NAV2: variants seen among roughly 807,000 people sequenced by gnomAD.
NAV2 encodes neuron navigator 2, also known as helicase, APC down-regulated 1.
A neutral mutation model predicts 223.2 loss-of-function variants in NAV2; 54 were observed. That is an observed-to-expected ratio of 0.24 (90% confidence interval 0.19 to 0.30). The LOEUF is 0.30. Among genes scored for constraint, NAV2 ranks in the 10% least tolerant of loss-of-function variants. The pLI is 1.00. For synonymous variants in NAV2, 1,279 were observed against 1,239.3 expected, an observed-to-expected ratio of 1.03 and a Z score of -0.67; for missense variants, 2,806 against 3,147.5, an observed-to-expected ratio of 0.89 and a Z score of 2.60.
At position 19,835,090 on chromosome 11, in the gene NAV2, A is replaced by G. The variant is rs1036825568; in HGVS notation, c.385+2489A>G. 3.7e-4 allele frequency among the ~76,000 whole-genome samples: 57 copies of G among 152,232 alleles called. 1 individual carries two copies. Among genetic ancestry groups the G allele is most frequent in the Admixed American group, 3.7e-3 (57 of 15,284 alleles). ...TGTATGTTGTGCATTTTCTAAACAT[A>G]GTGCTATGAAAATGTAAGTTAGCAG... On this transcript the variant is annotated intron_variant, in intron 2 of 37. Coordinates refer to ENST00000349880, the MANE Select transcript of NAV2 (RefSeq NM_145117.5).
At position 19,876,954 on chromosome 11, in the gene NAV2, A is replaced by C. The variant is rs183544574; in HGVS notation, c.512-2915A>C. The stretch of plus-strand genomic sequence containing the variant: ...TTTATATATATTTATATATTTATTT[A>C]TCAATAAAAAATATTTATTTATTTA... On this transcript the variant is annotated intron_variant, in intron 4 of 37. Transcript: ENST00000349880. Among the ~76,000 whole-genome samples the C allele has an allele frequency of 6.1e-3, 814 of 133,084 alleles. 9 individuals are homozygous for C. Among genetic ancestry groups the C allele is most frequent in the African/African-American group, 0.02 (782 of 39,722 alleles). The allele number at this position is 133,084 out of a possible 152,430, so 87.3% of individuals were successfully genotyped here.
chr11:19,675,852 T>C (rs1390619219), intron 1 of NAV2, among the ~76,000 whole-genome samples: 1 of 152,254 alleles, frequency 6.6e-6, no homozygotes, highest in Non-Finnish European at 1.5e-5. Context: ...GTATAATTAA[T>C]AATAATATCA....
At chr11:19,543,792 G>A (rs1208620315) in intron 1 of NAV2, among the ~76,000 whole-genome samples, 2 of 152,024 alleles carry the variant, frequency 1.3e-5, no homozygotes, top group African/African-American at 2.4e-5. Context: ...TAACTCTGAG[G>A]CTGACCTCTC....
At chr11:19,516,900 A>G (rs2043470969) in intron 1 of NAV2, among the ~76,000 whole-genome samples, 1 of 152,174 alleles carries the variant, frequency 6.6e-6, no homozygotes, top group South Asian at 2.1e-4. Flanking sequence ...AGATGAAGTT[A>G]TTAACAGAAT....
intron 1 of NAV2, among the ~76,000 whole-genome samples, chr11:19,527,937 G>GAC (rs67561376): frequency 0.046 from 6,631 of 143,270 alleles, 253 homozygotes; most frequent in African/African-American, 0.11. Context: ...TCCCTGCCCT[G>GAC]ACACACACAC....
In NAV2 at chr11:19,719,278, A is replaced by C. The variant is rs72909810; in HGVS notation, c.267+5316A>C. Among the ~76,000 whole-genome samples the C allele has an allele frequency of 6.9e-3, 1,053 of 152,334 alleles. 5 individuals are homozygous for C. Among genetic ancestry groups the C allele is most frequent in the Non-Finnish European group, 0.011 (721 of 68,026 alleles). ...GAGCTCTTTATATAGATATTATTTAATGTGAGGCACAAGAAGCTGGATAAA... is the reference window on the plus strand; with the variant it reads ...GAGCTCTTTATATAGATATTATTTACTGTGAGGCACAAGAAGCTGGATAAA... On this transcript the variant is annotated intron_variant, in intron 1 of 37. Transcript: ENST00000349880.
chr11:19,793,576 G>A (rs962163207), intron 1 of NAV2, among the ~76,000 whole-genome samples: 1 of 152,208 alleles, frequency 6.6e-6, no homozygotes, highest in African/African-American at 2.4e-5. Flanking sequence ...CACCTGGACT[G>A]TTCCAGTAGC....
chr11:19,625,936 C>T (rs1365965927), intron 1 of NAV2, among the ~76,000 whole-genome samples: 6 of 152,024 alleles, frequency 3.9e-5, no homozygotes, highest in Admixed American at 3.3e-4. Context: ...ATATTGACCC[C>T]TTGTCAGATG....
At chr11:20,068,103 C>T in intron 20 of NAV2, 83 bp from the exon 21 acceptor site, 1 of 1,200,002 alleles carries the variant, frequency 8.3e-7, no homozygotes. Context: ...CTGCAACCAT[C>T]TGAATATGGT....
chr11:19,693,461 C>A (rs1020614697), intron 1 of NAV2, among the ~76,000 whole-genome samples: 2 of 152,174 alleles, frequency 1.3e-5, no homozygotes, highest in African/African-American at 4.8e-5. Flanking sequence ...TATACCATAG[C>A]CCTTCAAAGG....
At chr11:19,815,023 A>G (rs929242618) in intron 1 of NAV2, among the ~76,000 whole-genome samples, 1 of 152,140 alleles carries the variant, frequency 6.6e-6, no homozygotes, top group Non-Finnish European at 1.5e-5. Context: ...GGAGTGATCT[A>G]TTATAAAAAC....
At chr11:20,108,311 G>T (rs1237318260) in intron 36 of NAV2, among the ~76,000 whole-genome samples, 1 of 152,174 alleles carries the variant, frequency 6.6e-6, no homozygotes, top group Non-Finnish European at 1.5e-5. Flanking sequence ...TGCCTTCTGG[G>T]TCAAATTCCA....
At chr11:19,916,578 A>C (rs923117469) in intron 6 of NAV2, among the ~76,000 whole-genome samples, 1 of 152,194 alleles carries the variant, frequency 6.6e-6, no homozygotes, top group Admixed American at 6.5e-5. Context: ...GCATTCACTC[A>C]CTTTATCAAA....
chr11:19,514,525 C>T (rs1434354695), intron 1 of NAV2, among the ~76,000 whole-genome samples: 4 of 152,206 alleles, frequency 2.6e-5, no homozygotes, highest in Admixed American at 6.5e-5. Context: ...TACACTTTCT[C>T]CGCATCTCAG....
intron 1 of NAV2, among the ~76,000 whole-genome samples, chr11:19,707,194 AGG>A (rs2049689927): frequency 6.6e-6 from 1 of 152,214 alleles, no homozygotes; most frequent in Admixed American, 6.5e-5. Context: ...CTGTACACTT[AGG>A]CTACACTAAA....
At chr11:19,978,657 T>G (rs2050024065) in intron 10 of NAV2, 1 of 134,114 alleles carries the variant, frequency 7.5e-6, no homozygotes, top group Admixed American at 6.9e-5. Flanking sequence ...GAGGTTTTTT[T>G]TTTTTTTTTT....
intron 1 of NAV2, among the ~76,000 whole-genome samples, chr11:19,569,846 G>T (rs1019083446): frequency 6.6e-6 from 1 of 152,158 alleles, no homozygotes; most frequent in African/African-American, 2.4e-5. Flanking sequence ...CATGGAGGTT[G>T]TCCCACTGCC....
At chr11:19,988,282 G>A (rs1416975574) in intron 11 of NAV2, among the ~76,000 whole-genome samples, 5 of 152,182 alleles carry the variant, frequency 3.3e-5, no homozygotes, top group African/African-American at 7.2e-5. Flanking sequence ...AGAGCACAAC[G>A]AGGACAGAAA....
chr11:19,941,276 G>T (rs975584802), intron 8 of NAV2, among the ~76,000 whole-genome samples: 1 of 152,036 alleles, frequency 6.6e-6, no homozygotes, highest in African/African-American at 2.4e-5. Context: ...TCAATCGGCT[G>T]CGGGGAAGAG....
Sources: allele counts gnomAD v4.1 joint callset (sites outside exome capture counted in the v4.1 genomes callset), GRCh38; gene constraint gnomAD v4.1.1; transcripts MANE v1.5; gene names NCBI Gene and HGNC (gene_info 2026-07-23, HGNC 2026-07-21).